GRM8: variants seen among roughly 807,000 people sequenced by gnomAD.
GRM8 encodes glutamate metabotropic receptor 8.
GRM8 carries 47 observed loss-of-function variants against 87.2 expected under a neutral mutation model. The ratio of observed to expected loss-of-function variants is 0.54; its 90% CI spans 0.43 to 0.69. GRM8 has a LOEUF of 0.69. Among genes scored for constraint, GRM8 ranks in the 30% least tolerant of loss-of-function variants. The pLI is 0.00. For missense variants in GRM8, 1,019 were observed against 1,139.2 expected, an observed-to-expected ratio of 0.89 and a Z score of 1.52; for synonymous variants, 396 against 404.5, an observed-to-expected ratio of 0.98 and a Z score of 0.25.
At chr7:127,003,308 C>A (rs1813909404) in intron 3 of GRM8, among the ~76,000 whole-genome samples, 1 of 151,708 alleles carries the variant, frequency 6.6e-6, no homozygotes, top group Admixed American at 6.6e-5. Flanking sequence ...CTTAGGAAAA[C>A]ATCCTGTAAA....
intron 2 of GRM8, among the ~76,000 whole-genome samples, chr7:127,110,155 G>C (rs941210430): frequency 4.6e-5 from 7 of 152,204 alleles, no homozygotes; most frequent in Admixed American, 3.9e-4. Context: ...CCCCACTGCT[G>C]TTGGCTCCGA....
intron 2 of GRM8, among the ~76,000 whole-genome samples, chr7:127,145,430 G>A (rs1316636391): frequency 6.6e-6 from 1 of 152,088 alleles, no homozygotes; most frequent in Admixed American, 6.6e-5. Context: ...GTATACTAAA[G>A]TATTTAATGT....
intron 6 of GRM8, among the ~76,000 whole-genome samples, chr7:126,786,727 T>A (rs1263558054): frequency 2.0e-5 from 3 of 152,186 alleles, no homozygotes; most frequent in African/African-American, 7.2e-5. Flanking sequence ...TTCTACTCTA[T>A]ATTCTTATAC....
chr7:127,134,157 G>A (rs943852498), intron 2 of GRM8, among the ~76,000 whole-genome samples: 16 of 152,156 alleles, frequency 1.1e-4, no homozygotes, highest in South Asian at 6.2e-4. Flanking sequence ...GGCATTAGCT[G>A]CTATGATTAT....
At chr7:127,151,954 T>C (rs1204518643) in intron 2 of GRM8, among the ~76,000 whole-genome samples, 1 of 146,724 alleles carries the variant, frequency 6.8e-6, no homozygotes, top group East Asian at 1.9e-4. Context: ...TAATATTAGA[T>C]GTTCCTAGTC....
intron 2 of GRM8, among the ~76,000 whole-genome samples, chr7:127,177,127 T>TCTAG (rs1794155828): frequency 6.6e-6 from 1 of 152,030 alleles, no homozygotes; most frequent in East Asian, 1.9e-4. Context: ...TGTCACACCC[T>TCTAG]CCGCCAGGAA....
chr7:126,458,508 G>T (rs368568839), intron 9 of GRM8, among the ~76,000 whole-genome samples: 3 of 151,230 alleles, frequency 2.0e-5, no homozygotes, highest in East Asian at 2.0e-4. Context: ...TTATAGAAAT[G>T]CAAGGATAGA....
At chr7:126,642,378 C>T (rs1329370831) in intron 7 of GRM8, among the ~76,000 whole-genome samples, 1 of 152,132 alleles carries the variant, frequency 6.6e-6, no homozygotes, top group Non-Finnish European at 1.5e-5. Context: ...GTGGTTCACG[C>T]CTGTAATCCC....
intron 6 of GRM8, among the ~76,000 whole-genome samples, chr7:126,847,820 A>G (rs779423486): frequency 8.5e-5 from 13 of 152,196 alleles, no homozygotes; most frequent in Non-Finnish European, 1.6e-4. Flanking sequence ...GTAGACAAGT[A>G]TCAACTGTAT....
chr7:126,612,804 A>C (rs571418804), intron 7 of GRM8, among the ~76,000 whole-genome samples: 1 of 152,396 alleles, frequency 6.6e-6, no homozygotes, highest in Admixed American at 6.5e-5. Context: ...AATGATCCCA[A>C]GCAAATCCAT....
intron 7 of GRM8, among the ~76,000 whole-genome samples, chr7:126,642,244 G>C (rs532860663): frequency 6.6e-6 from 1 of 152,322 alleles, no homozygotes; most frequent in African/African-American, 2.4e-5. Context: ...TGTGCTGAAG[G>C]TATTTGATGC....
At chr7:127,119,864 C>T (rs1209432208) in intron 2 of GRM8, among the ~76,000 whole-genome samples, 1 of 152,182 alleles carries the variant, frequency 6.6e-6, no homozygotes, top group African/African-American at 2.4e-5. Context: ...CTTGTTTCAT[C>T]CTTTAAGTGT....
intron 9 of GRM8, among the ~76,000 whole-genome samples, chr7:126,515,939 AC>A (rs1420892132): frequency 5.9e-5 from 9 of 152,072 alleles, no homozygotes; most frequent in Non-Finnish European, 1.5e-5. Flanking sequence ...TCTGCTTAAC[AC>A]AACTATTTAC....
At chr7:126,787,770 A>T (rs548390334) in intron 6 of GRM8, among the ~76,000 whole-genome samples, 18 of 151,290 alleles carry the variant, frequency 1.2e-4, no homozygotes, top group African/African-American at 4.4e-4. Flanking sequence ...TTTTATTTCT[A>T]TTTCTGGATA....
chr7:126,774,762 A>G (rs1819235419), intron 6 of GRM8, among the ~76,000 whole-genome samples: 1 of 152,140 alleles, frequency 6.6e-6, no homozygotes. Flanking sequence ...AAAACATTGT[A>G]TATGTTACAA....
At position 126,899,559 on chromosome 7, in the gene GRM8, C is replaced by T. The variant is rs868863413; in HGVS notation, c.1156+2983G>A. 3.3e-5 allele frequency among the ~76,000 whole-genome samples: 5 copies of T among 152,126 alleles called. No homozygotes were observed. The East Asian group carries it at 5.8e-4, about 18-fold the overall frequency. ...TCTGAACTTCCCTAATTATCTATAT[C>T]CAAATTTAGCATTTAATTATAGAAC... On this transcript the variant is annotated intron_variant, in intron 6 of 10. Coordinates refer to ENST00000339582, the MANE Select transcript of GRM8 (RefSeq NM_000845.3).
chr7:126,717,714 T>C (rs939215032), intron 7 of GRM8, among the ~76,000 whole-genome samples: 1 of 152,100 alleles, frequency 6.6e-6, no homozygotes, highest in African/African-American at 2.4e-5. Context: ...AACATAAAAA[T>C]TTAGGAGGCA....
At chr7:126,734,769 G>C (rs1260962524) in intron 7 of GRM8, among the ~76,000 whole-genome samples, 2 of 152,002 alleles carry the variant, frequency 1.3e-5, no homozygotes, top group African/African-American at 4.8e-5. Context: ...CCAGTTCAAA[G>C]ATTGACCTGT....
chr7:126,841,469 G>T (rs1796264356), intron 6 of GRM8, among the ~76,000 whole-genome samples: 1 of 152,040 alleles, frequency 6.6e-6, no homozygotes, highest in Non-Finnish European at 1.5e-5. Flanking sequence ...GAAGGTATAA[G>T]TCTTCTGACT....
Sources: allele counts gnomAD v4.1 joint callset (sites outside exome capture counted in the v4.1 genomes callset), GRCh38; gene constraint gnomAD v4.1.1; transcripts MANE v1.5; gene names NCBI Gene and HGNC (gene_info 2026-07-23, HGNC 2026-07-21).